Variants in SLC6A3 observed in about 807,000 individuals in gnomAD.
SLC6A3 encodes solute carrier family 6 member 3, also known as sodium-dependent dopamine transporter.
Under a neutral mutation model 70.4 loss-of-function variants are expected in SLC6A3, and 19 were observed. The ratio of observed to expected loss-of-function variants is 0.27; its 90% CI spans 0.19 to 0.40. The LOEUF is 0.40. SLC6A3 is among the 10% of genes least tolerant of loss of function. SLC6A3 has a pLI of 1.00. For synonymous variants in SLC6A3, 368 were observed against 356.6 expected (o/e 1.03, Z -0.36); for missense variants, 613 against 838.5 (o/e 0.73, Z 3.32).
Position 1,414,825 on chromosome 5 carries a change from C to A in SLC6A3, c.1032-10G>T. 3 of 1,612,848 alleles carry A rather than the reference C, an allele frequency of 1.9e-6. No individual in the cohort carries two copies. The South Asian group carries it at 3.3e-5, about 18-fold the overall frequency. ...GGTGACAATCGCGTCCCTGTAAGAACAAGACACGCCGTCTCAGGAACCAGC... is the reference window on the plus strand; with the variant it reads ...GGTGACAATCGCGTCCCTGTAAGAAAAAGACACGCCGTCTCAGGAACCAGC... On this transcript the variant is annotated splice_polypyrimidine_tract_variant and intron_variant, in intron 7 of 14. Transcript: ENST00000270349.
intron 4 of SLC6A3, among the ~76,000 whole-genome samples, chr5:1,424,111 C>T (rs1756525334): frequency 6.6e-6 from 1 of 152,236 alleles, no homozygotes; most frequent in South Asian, 2.1e-4. Context: ...CTGGAGGGCG[C>T]CCAGGCAGAG....
Position 1,406,252 on chromosome 5 carries a change from G to C in SLC6A3, c.1535C>G (p.Thr512Ser). The C allele has an allele frequency of 6.2e-7, 1 of 1,613,050 alleles. No individual in the cohort carries two copies. The highest frequency in any genetic ancestry group is 8.5e-7 in the Non-Finnish European group (1 of 1,180,016). The part of the protein sequence containing the change: ...GQFSDDIQQM[T>S]GQRPSLYWRL... The stretch of plus-strand genomic sequence containing the variant: ...CCAGTACAGGCTGGGCCGCTGCCCG[G>C]TCATCTGCTGGATGTCGTCGCTGAA... Residue 512 changes from threonine to serine, a missense_variant, in exon 12 of 15, where the codon ACC becomes AGC. By Grantham distance (58) the Thr-to-Ser change is moderately conservative. This residue lies in a region of SLC6A3 where 348 missense variants were observed against 481.2 expected (regional missense o/e 0.72). Transcript: ENST00000270349. This position sits in a 1 kb window ranked among gnomAD's most constrained non-coding sequence, Gnocchi z 8.8.
At chr5:1,420,533 C>T (rs1344937398) in intron 6 of SLC6A3, 36 bp downstream of exon 6, 4 of 1,612,196 alleles carry the variant, frequency 2.5e-6, no homozygotes, top group East Asian at 4.5e-5. Flanking sequence ...GCCAGAGCCC[C>T]TGTGGACTGT....
At chr5:1,443,280 G>A (rs939881903) in intron 1 of SLC6A3, 38 bp from the exon 2 acceptor site, 25 of 1,494,772 alleles carry the variant, frequency 1.7e-5, no homozygotes, top group East Asian at 4.5e-5. Flanking sequence ...CAACAGGAAC[G>A]CAACAATTCA....
At chr5:1,403,705 G>A (rs1190573198) in intron 12 of SLC6A3, among the ~76,000 whole-genome samples, 2 of 152,068 alleles carry the variant, frequency 1.3e-5, no homozygotes, top group Admixed American at 6.5e-5. Context: ...AGGGCCATCT[G>A]AGCTCCGTAT....
rs1755716921 is a variant in SLC6A3 at position 1,396,275 on chromosome 5, T to C, written c.1840-1517A>G. 6.6e-6 allele frequency among the ~76,000 whole-genome samples: 1 copy of C among 152,128 alleles called. No individual in the cohort carries two copies. Among genetic ancestry groups the C allele is most frequent in the South Asian group, 2.1e-4 (1 of 4,832 alleles). On this transcript the variant is annotated intron_variant, in intron 14 of 14. Transcript: ENST00000270349. This position sits in a 1 kb window ranked among gnomAD's most constrained non-coding sequence, Gnocchi z 7.0. ...GCTATGGATACAAACATTTCTGACC[T>C]AGATGGAATAATAGGGATCGAATTT...
At chr5:1,441,640 A>G (rs1370995620) in intron 2 of SLC6A3, 150 bp from the exon 3 acceptor site, 2 of 865,790 alleles carry the variant, frequency 2.3e-6, no homozygotes, top group Non-Finnish European at 3.5e-6. Flanking sequence ...GCTAGGGTAG[A>G]TGAGTCCCGA....
intron 3 of SLC6A3, among the ~76,000 whole-genome samples, chr5:1,435,169 C>G (rs1756799219): frequency 6.6e-6 from 1 of 152,188 alleles, no homozygotes; most frequent in Admixed American, 6.5e-5. Context: ...TTAAATAATT[C>G]TATATTACCG....
intron 14 of SLC6A3, among the ~76,000 whole-genome samples, chr5:1,400,179 G>A (rs1020043899): frequency 2.6e-5 from 4 of 152,222 alleles, no homozygotes; most frequent in Non-Finnish European, 5.9e-5. Context: ...TGGGGTGGAG[G>A]AGGACAGTGC....
chr5:1,408,726 T>C lies in SLC6A3; in HGVS notation c.1498+300A>G, dbSNP rs541560375. On this transcript the variant is annotated intron_variant, in intron 11 of 14. Coordinates refer to ENST00000270349, the MANE Select transcript of SLC6A3 (RefSeq NM_001044.5). The surrounding 1 kb of genome is among the most constrained non-coding windows in gnomAD (Gnocchi z 6.4). ...TGAAACCCCAGCATGGATCTGATTG[T>C]GTTCCCCTGGGTGGGATGGGCTCAC... 6.6e-6 allele frequency among the ~76,000 whole-genome samples: 1 copy of C among 152,348 alleles called. No individual in the cohort carries two copies. The highest frequency in any genetic ancestry group is 1.9e-4 in the East Asian group (1 of 5,182).
At chr5:1,416,928 C>T (rs1756311321) in intron 6 of SLC6A3, among the ~76,000 whole-genome samples, 1 of 152,162 alleles carries the variant, frequency 6.6e-6, no homozygotes, top group Non-Finnish European at 1.5e-5. Flanking sequence ...ATAATGGTGG[C>T]ACCCTGATAA....
chr5:1,419,166 T>C (rs1392637364), intron 6 of SLC6A3, among the ~76,000 whole-genome samples: 1 of 150,202 alleles, frequency 6.7e-6, no homozygotes, highest in Non-Finnish European at 1.5e-5. Context: ...CATCCATCCA[T>C]CCATACTATC....
At chr5:1,426,774 A>G (rs556782344) in intron 4 of SLC6A3, among the ~76,000 whole-genome samples, 9 of 152,220 alleles carry the variant, frequency 5.9e-5, no homozygotes, top group Non-Finnish European at 1.2e-4. Flanking sequence ...GGTAGCTGCC[A>G]GGGGCTGCAG....
At chr5:1,409,243 C>G in intron 10 of SLC6A3, 118 bp from the exon 11 acceptor site, 1 of 789,158 alleles carries the variant, frequency 1.3e-6, no homozygotes, top group Non-Finnish European at 2.2e-6. Context: ...GGTTTGAGTC[C>G]CTAAAATTCA....
Position 1,404,215 on chromosome 5 carries a change from G to A in SLC6A3, c.1600-1126C>T, listed in dbSNP as rs988075177. On this transcript the variant is annotated intron_variant, in intron 12 of 14. Coordinates refer to ENST00000270349, the MANE Select transcript of SLC6A3 (RefSeq NM_001044.5). This position sits in a 1 kb window ranked among gnomAD's most constrained non-coding sequence, Gnocchi z 5.2. ...ACTTGTAGGTTTGGAGCCGGCTAGC[G>A]GAGGACTGGGATGGGGGCTGGGGTT... 4.6e-5 allele frequency among the ~76,000 whole-genome samples: 7 copies of A among 152,336 alleles called. No homozygotes were observed. The highest frequency in any genetic ancestry group is 1.9e-4 in the East Asian group (1 of 5,180).
Position 1,442,674 on chromosome 5 carries a change from C to T in SLC6A3, c.286+238G>A, listed in dbSNP as rs374382619. ...GCCGCCCCCCACCCCCCAGCTTCTT[C>T]GCGGGCCTCCCTTTCCTAAACTCTG... On this transcript the variant is annotated intron_variant, in intron 2 of 14. Coordinates refer to ENST00000270349, the MANE Select transcript of SLC6A3 (RefSeq NM_001044.5). This position sits in a 1 kb window ranked among gnomAD's most constrained non-coding sequence, Gnocchi z 5.0. Among the ~76,000 whole-genome samples the T allele has an allele frequency of 3.3e-5, 5 of 152,158 alleles. No individual in the cohort carries two copies. Among genetic ancestry groups the T allele is most frequent in the South Asian group, 2.1e-4 (1 of 4,820 alleles).
intron 4 of SLC6A3, among the ~76,000 whole-genome samples, chr5:1,424,076 C>T (rs1222302299): frequency 8.5e-5 from 13 of 152,256 alleles, no homozygotes; most frequent in Admixed American, 3.9e-4. Context: ...GCCCTGAAAG[C>T]GCTGGACAGT....
chr5:1,434,772 G>A (rs975720075), intron 3 of SLC6A3, among the ~76,000 whole-genome samples: 12 of 152,292 alleles, frequency 7.9e-5, no homozygotes, highest in Non-Finnish European at 1.5e-4. Context: ...TTTTGCAGGG[G>A]GTGGCCTGGG....
intron 4 of SLC6A3, among the ~76,000 whole-genome samples, chr5:1,428,876 C>T (rs1189327144): frequency 1.3e-5 from 2 of 152,084 alleles, no homozygotes; most frequent in Non-Finnish European, 2.9e-5. Flanking sequence ...TAAAAACGCA[C>T]GATAAAGCCC....
Sources: gnomAD v4.1 joint callset for allele counts (sites outside exome capture counted in the v4.1 genomes callset) on GRCh38, gnomAD v4.1.1 for gene constraint, gnomAD v4.1.1 regional missense constraint, Gnocchi (gnomAD v3.1) non-coding constraint, MANE v1.5 for transcripts, NCBI Gene and HGNC (gene_info 2026-07-23, HGNC 2026-07-21) for gene names.